Variants in SEMA3A observed in about 807,000 individuals in gnomAD.
The protein encoded by SEMA3A is semaphorin-3A.
Under a neutral mutation model 97.9 loss-of-function variants are expected in SEMA3A, and 29 were observed. The observed-to-expected ratio is 0.30, with a 90% CI of 0.22 to 0.40. The LOEUF is 0.40. SEMA3A is among the 10% of genes least tolerant of loss of function. SEMA3A has a pLI of 1.00. For synonymous variants in SEMA3A, 321 were observed against 323.7 expected (o/e 0.99, Z 0.09); for missense variants, 763 against 951.3 (o/e 0.80, Z 2.60).
At chr7:84,259,404 T>C (rs1175528586) in intron 3 of SEMA3A, among the ~76,000 whole-genome samples, 1 of 152,086 alleles carries the variant, frequency 6.6e-6, no homozygotes, top group Non-Finnish European at 1.5e-5. Flanking sequence ...CAGAAATTGG[T>C]TCCCTAAAGC....
At chr7:84,052,857 T>C (rs532147428) in intron 5 of SEMA3A, among the ~76,000 whole-genome samples, 1 of 151,762 alleles carries the variant, frequency 6.6e-6, no homozygotes, top group African/African-American at 2.4e-5. Flanking sequence ...TTTAGTGCTA[T>C]AAATTTCCCT....
At chr7:84,249,746 C>A (rs572150505) in intron 3 of SEMA3A, among the ~76,000 whole-genome samples, 1 of 150,954 alleles carries the variant, frequency 6.6e-6, no homozygotes, top group African/African-American at 2.4e-5. Context: ...AATATGTCAT[C>A]TTGGGCAAGT....
chr7:84,203,405 A>C (rs1467913261), intron 3 of SEMA3A, among the ~76,000 whole-genome samples: 1 of 149,164 alleles, frequency 6.7e-6, no homozygotes, highest in African/African-American at 2.5e-5. Context: ...TTAATGGATT[A>C]ATTAATTAGT....
chr7:84,285,906 T>TGACTGTGAGTGAGACATGATC (rs1303034392), intron 3 of SEMA3A, among the ~76,000 whole-genome samples: 2 of 146,812 alleles, frequency 1.4e-5, no homozygotes, highest in South Asian at 2.1e-4. Context: ...GAGACATGAT[T>TGACTGTGAGTGAGACATGATC]GACTGTGAGT....
At chr7:84,192,906 G>C (rs1157272713) in intron 1 of SEMA3A, among the ~76,000 whole-genome samples, 1 of 151,892 alleles carries the variant, frequency 6.6e-6, no homozygotes, top group Non-Finnish European at 1.5e-5. Context: ...CTTGGATAAA[G>C]TGGACCATCA....
intron 1 of SEMA3A, among the ~76,000 whole-genome samples, chr7:84,478,468 C>T (rs1056576044): frequency 3.3e-5 from 5 of 151,826 alleles, no homozygotes; most frequent in Non-Finnish European, 4.4e-5. Context: ...AAATATAGAT[C>T]TTGGTGAAAA....
chr7:84,009,960 T>A (rs890854405), intron 9 of SEMA3A, among the ~76,000 whole-genome samples: 2 of 151,870 alleles, frequency 1.3e-5, no homozygotes, highest in African/African-American at 4.8e-5. Context: ...CTGAAAGTTT[T>A]TGTTTGTTTT....
At chr7:84,411,809 C>G (rs1272054998) in intron 1 of SEMA3A, among the ~76,000 whole-genome samples, 1 of 151,770 alleles carries the variant, frequency 6.6e-6, no homozygotes, top group African/African-American at 2.4e-5. Context: ...TTTTTTCTTT[C>G]AAGAAGAGGT....
chr7:84,290,584 A>C lies in SEMA3A; in HGVS notation c.-83+16623T>G, dbSNP rs531795374. 3.3e-5 allele frequency among the ~76,000 whole-genome samples: 5 copies of C among 152,072 alleles called. 1 individual carries two copies. The highest frequency in any genetic ancestry group is 1.2e-4 in the African/African-American group (5 of 41,488). On this transcript the variant is annotated intron_variant, in intron 3 of 3. Transcript: ENST00000424555. Reference sequence around the variant, plus strand: ...TCCTTTCCCAAATTCCTACAGCAACACCCACAACTCCCGTGGCATGGTAAG... The same window carrying C: ...TCCTTTCCCAAATTCCTACAGCAACCCCCACAACTCCCGTGGCATGGTAAG...
At chr7:84,145,959 G>A (rs982761606) in intron 1 of SEMA3A, among the ~76,000 whole-genome samples, 4 of 152,052 alleles carry the variant, frequency 2.6e-5, no homozygotes, top group Non-Finnish European at 5.9e-5. Flanking sequence ...GTTTCTGTAA[G>A]TTTCCACAAT....
At chr7:83,962,263 GA>G (rs1160254351) in intron 16 of SEMA3A, among the ~76,000 whole-genome samples, 1 of 151,962 alleles carries the variant, frequency 6.6e-6, no homozygotes, top group Admixed American at 6.6e-5. Context: ...TAAAAAAATA[GA>G]AGTTGAACAA....
chr7:84,229,881 G>T (rs1377584582), intron 3 of SEMA3A, among the ~76,000 whole-genome samples: 1 of 151,722 alleles, frequency 6.6e-6, no homozygotes, highest in African/African-American at 2.4e-5. Flanking sequence ...CAACTTCCTT[G>T]TCCTCATATG....
intron 1 of SEMA3A, among the ~76,000 whole-genome samples, chr7:84,412,949 C>T (rs1804312761): frequency 6.6e-6 from 1 of 151,936 alleles, no homozygotes; most frequent in Admixed American, 6.6e-5. Context: ...CACACACACT[C>T]ACACACACAC....
Position 84,214,911 on chromosome 7 carries a change from G to A in SEMA3A, c.-82-20243C>T, listed in dbSNP as rs150217278. 5.2e-3 allele frequency among the ~76,000 whole-genome samples: 787 copies of A among 151,364 alleles called. 9 individuals are homozygous for A. Among genetic ancestry groups the A allele is most frequent in the African/African-American group, 0.018 (756 of 41,256 alleles). ...AGATGGGGTTTCACCATATTGGCCA[G>A]GCTGGTCTTGAACTCCTGACCTTAG... On this transcript the variant is annotated intron_variant, in intron 3 of 3. Transcript: ENST00000424555.
intron 1 of SEMA3A, among the ~76,000 whole-genome samples, chr7:84,421,120 A>G (rs980924255): frequency 2.0e-5 from 3 of 152,074 alleles, no homozygotes; most frequent in African/African-American, 7.2e-5. Flanking sequence ...AATTCTCTAG[A>G]TGAGAATTTT....
chr7:84,232,694 T>C (rs1799143043), intron 3 of SEMA3A, among the ~76,000 whole-genome samples: 1 of 151,998 alleles, frequency 6.6e-6, no homozygotes, highest in Non-Finnish European at 1.5e-5. Context: ...GTTTTCCTTC[T>C]AATTTTCTTA....
intron 3 of SEMA3A, among the ~76,000 whole-genome samples, chr7:84,206,527 T>C (rs1203337791): frequency 1.3e-5 from 2 of 152,236 alleles, no homozygotes; most frequent in South Asian, 2.1e-4. Context: ...TTTCAACATG[T>C]TAGCCAGGAT....
intron 4 of SEMA3A, among the ~76,000 whole-genome samples, chr7:84,090,403 C>A (rs1471887581): frequency 1.3e-5 from 2 of 151,862 alleles, no homozygotes; most frequent in African/African-American, 2.4e-5. Flanking sequence ...AATGGACAGG[C>A]AATACAATGT....
chr7:84,381,176 A>G (rs556968047), intron 1 of SEMA3A, among the ~76,000 whole-genome samples: 84 of 152,276 alleles, frequency 5.5e-4, no homozygotes, highest in African/African-American at 1.9e-3. Flanking sequence ...GCTAAACTCT[A>G]CTCAATAAAG....
Sources: gnomAD v4.1 joint callset for allele counts (sites outside exome capture counted in the v4.1 genomes callset) on GRCh38, gnomAD v4.1.1 for gene constraint, MANE v1.5 for transcripts, NCBI Gene and HGNC (gene_info 2026-07-23, HGNC 2026-07-21) for gene names.